Variants in SLCO5A1 observed in about 807,000 individuals in gnomAD.
SLCO5A1 encodes organic anion transporter polypeptide-related protein 4.
Under a neutral mutation model 65.1 loss-of-function variants are expected in SLCO5A1, and 39 were observed. That is an observed-to-expected ratio of 0.60 (90% CI 0.46 to 0.78). The LOEUF is 0.78. Ranked by LOEUF, SLCO5A1 falls within the 30% of genes least tolerant of loss-of-function variation. The pLI is 0.00. For missense variants in SLCO5A1, 1,029 were observed against 1,069.4 expected, an observed-to-expected ratio of 0.96 and a Z score of 0.53; for synonymous variants, 438 against 415.7, an observed-to-expected ratio of 1.05 and a Z score of -0.65.
At chr8:69,704,865 T>C in intron 6 of SLCO5A1, 166 bp downstream of exon 6, 1 of 642,318 alleles carries the variant, frequency 1.6e-6, no homozygotes, top group Non-Finnish European at 2.7e-6. Context: ...CCCTGGCTTC[T>C]GCCCTGCAGG....
rs985199550 is a variant in SLCO5A1 at position 69,756,708 on chromosome 8, C to T, written c.1041-1067G>A. Among the ~76,000 whole-genome samples, 4 of 152,212 alleles carry T rather than the reference C, an allele frequency of 2.6e-5. No homozygotes were observed. In the East Asian group the frequency reaches 5.8e-4, roughly 22 times the overall value. ...GGAGCTATTAGACTCAGAATTCTGT[C>T]GTGAAATTCACCTGAGATTGCCACG... On this transcript the variant is annotated intron_variant, in intron 3 of 9. Coordinates refer to ENST00000260126, the MANE Select transcript of SLCO5A1 (RefSeq NM_030958.3).
rs1346372339 is a variant in SLCO5A1 at position 69,703,478 on chromosome 8, C to T, written c.1622+1553G>A. 4.6e-5 allele frequency among the ~76,000 whole-genome samples: 7 copies of T among 152,104 alleles called. No individual in the cohort carries two copies. The East Asian group carries it at 1.2e-3, about 25-fold the overall frequency. On this transcript the variant is annotated intron_variant, in intron 6 of 9. Coordinates refer to ENST00000260126, the MANE Select transcript of SLCO5A1 (RefSeq NM_030958.3). ...GGAGACTCACTTGTGACCGGGAGTT[C>T]AAGACCAACCTGGGCAACATAGTGA...
intron 2 of SLCO5A1, among the ~76,000 whole-genome samples, chr8:69,814,521 A>T (rs1428577691): frequency 6.6e-6 from 1 of 152,166 alleles, no homozygotes; most frequent in East Asian, 1.9e-4. Flanking sequence ...TTTGATGAGG[A>T]TGTGGAGAAA....
chr8:69,745,125 A>G (rs1357226315), intron 4 of SLCO5A1, among the ~76,000 whole-genome samples: 4 of 152,228 alleles, frequency 2.6e-5, no homozygotes, highest in Admixed American at 2.6e-4. Flanking sequence ...AACTGGTAAT[A>G]CTAGTGAATG....
At chr8:69,742,780 G>C (rs930609965) in intron 4 of SLCO5A1, among the ~76,000 whole-genome samples, 1 of 147,508 alleles carries the variant, frequency 6.8e-6, no homozygotes, top group Admixed American at 6.7e-5. Flanking sequence ...TGAGATAGGT[G>C]GTGTGAGTGG....
chr8:69,771,316 T>C (rs1818311910), intron 2 of SLCO5A1, among the ~76,000 whole-genome samples: 1 of 152,240 alleles, frequency 6.6e-6, no homozygotes, highest in Admixed American at 6.5e-5. Flanking sequence ...TATTTTATCT[T>C]TTAAAACATT....
At chr8:69,737,892 G>T in intron 5 of SLCO5A1, 148 bp downstream of exon 5, 1 of 744,600 alleles carries the variant, frequency 1.3e-6, no homozygotes, top group Non-Finnish European at 2.0e-6. Context: ...CACTTTCCAG[G>T]ATTTCCTCCT....
At chr8:69,747,808 A>G (rs1817107630) in intron 4 of SLCO5A1, among the ~76,000 whole-genome samples, 1 of 152,216 alleles carries the variant, frequency 6.6e-6, no homozygotes, top group Non-Finnish European at 1.5e-5. Context: ...CCTGCAGTGA[A>G]AACCTTAGTA....
chr8:69,723,371 C>T (rs1815917544), intron 5 of SLCO5A1, among the ~76,000 whole-genome samples: 1 of 152,128 alleles, frequency 6.6e-6, no homozygotes, highest in South Asian at 2.1e-4. Flanking sequence ...CCCACCTCAG[C>T]CTCCTGAGTA....
intron 2 of SLCO5A1, among the ~76,000 whole-genome samples, chr8:69,805,591 T>C (rs181632366): frequency 3.9e-5 from 6 of 152,314 alleles, no homozygotes; most frequent in African/African-American, 1.4e-4. Context: ...CCTACTTTTA[T>C]GGAATTCCAA....
chr8:69,668,498 T>G lies in SLCO5A1; in HGVS notation c.*4371A>C, dbSNP rs1446664355. On this transcript the variant is annotated 3_prime_UTR_variant, in exon 10 of 10. Coordinates refer to ENST00000260126, the MANE Select transcript of SLCO5A1 (RefSeq NM_030958.3). ...AGTTATATTCATGTGCTGTGTCATC[T>G]CTGATGTTTTAAGTACATACACGAT... 3 of 152,166 alleles carry G rather than the reference T, an allele frequency of 2.0e-5. No individual in the cohort carries two copies. Among genetic ancestry groups the G allele is most frequent in the Non-Finnish European group, 4.4e-5 (3 of 68,020 alleles). The allele number at this position is 152,166 out of a possible 1,614,324, so 9.4% of individuals were successfully genotyped here.
intron 5 of SLCO5A1, among the ~76,000 whole-genome samples, chr8:69,708,599 G>A (rs1815078064): frequency 6.6e-6 from 1 of 151,722 alleles, no homozygotes; most frequent in South Asian, 2.1e-4. Flanking sequence ...CATTACAACT[G>A]TGCCATAGAA....
chr8:69,809,976 G>T (rs1220906665), intron 2 of SLCO5A1, among the ~76,000 whole-genome samples: 1 of 152,120 alleles, frequency 6.6e-6, no homozygotes, highest in Non-Finnish European at 1.5e-5. Flanking sequence ...ACTAACACTG[G>T]ACTATGCCTA....
At chr8:69,751,520 G>A (rs10093302) in intron 4 of SLCO5A1, among the ~76,000 whole-genome samples, 17,495 of 151,650 alleles carry the variant, frequency 0.12, 1,539 homozygotes, top group African/African-American at 0.25. Context: ...CCAAAAGGGC[G>A]CCATTCTGTA....
chr8:69,772,798 G>A, intron 2 of SLCO5A1: 1 of 342,998 alleles, frequency 2.9e-6, no homozygotes, highest in Non-Finnish European at 4.1e-6. Context: ...TGCCCTAAAA[G>A]GTCAGAGATC....
chr8:69,757,714 C>T (rs140886512), intron 3 of SLCO5A1, among the ~76,000 whole-genome samples: 8 of 152,188 alleles, frequency 5.3e-5, no homozygotes, highest in African/African-American at 1.9e-4. Flanking sequence ...GGTCATCTGT[C>T]TATAGAGAAC....
chr8:69,755,590 T>C lies in SLCO5A1; in HGVS notation c.1092A>G (p.Pro364=). 6.2e-7 allele frequency: 1 copy of C among 1,614,036 alleles called. No homozygotes were observed. Among genetic ancestry groups the C allele is most frequent in the Non-Finnish European group, 8.5e-7 (1 of 1,179,982 alleles). ...CAIAMFLVIF[P]MFTFPKKLPP... is the part of the protein sequence containing the mutation. The stretch of plus-strand genomic sequence containing the variant: ...GAAGCTTTTTTGGGAAAGTAAACAT[T>C]GGGAATATCACAAGAAACATTGCAA... Residue 364 remains proline, a synonymous_variant, in exon 4 of 10, where the codon CCA becomes CCG. Transcript: ENST00000260126.
intron 5 of SLCO5A1, among the ~76,000 whole-genome samples, chr8:69,733,679 G>A (rs1328767657): frequency 6.6e-6 from 1 of 152,184 alleles, no homozygotes; most frequent in Non-Finnish European, 1.5e-5. Context: ...CTCACGAGAC[G>A]TGATGGTTTT....
chr8:69,705,211 C>T lies in SLCO5A1; in HGVS notation c.1442G>A (p.Ser481Asn), dbSNP rs1238088845. The T allele has an allele frequency of 6.2e-7, 1 of 1,614,140 alleles. No homozygotes were observed. Among genetic ancestry groups the T allele is most frequent in the Admixed American group, 1.7e-5 (1 of 60,018 alleles). Residue 481 changes from serine (S) to asparagine (N), a missense_variant, in exon 6 of 10, where the codon AGT (serine) becomes AAT (asparagine). Physicochemically the swap from Ser to Asn is conservative, Grantham distance 46 (BLOSUM62 1). Coordinates refer to ENST00000260126, the MANE Select transcript of SLCO5A1 (RefSeq NM_030958.3). The part of the protein sequence containing the change: ...SIYTGVIIVP[S>N]AGVGIVLGGY... Reference sequence around the variant, plus strand: ...TCCGAGGACAATACCAACACCAGCACTGGGGACGATAATAACCCCTGGGGA... The same window carrying T: ...TCCGAGGACAATACCAACACCAGCATTGGGGACGATAATAACCCCTGGGGA...
Sources: allele counts gnomAD v4.1 joint callset (sites outside exome capture counted in the v4.1 genomes callset), GRCh38; gene constraint gnomAD v4.1.1; transcripts MANE v1.5; gene names NCBI Gene and HGNC (gene_info 2026-07-23, HGNC 2026-07-21).